SYNPR: variants seen among roughly 807,000 people sequenced by gnomAD.
SYNPR encodes synaptoporin.
In SYNPR, 23 loss-of-function variants were observed where a neutral mutation model predicts 32.9. That is an observed-to-expected ratio of 0.70 (90% CI 0.50 to 0.99). SYNPR has a LOEUF of 0.99. Ranked by LOEUF, SYNPR falls within the 50% of genes least tolerant of loss-of-function variation. The pLI, the probability that SYNPR is intolerant of heterozygous loss-of-function variation, is 0.00. For missense variants in SYNPR, 318 were observed against 349.3 expected (o/e 0.91, Z 0.71); for synonymous variants, 146 against 135.9 (o/e 1.07, Z -0.52).
At chr3:63,247,438 G>A (rs140601067) in intron 1 of SYNPR, among the ~76,000 whole-genome samples, 7 of 151,966 alleles carry the variant, frequency 4.6e-5, no homozygotes, top group African/African-American at 1.2e-4. Context: ...CTTACTTCTG[G>A]TAAGGATAAG....
intron 2 of SYNPR, among the ~76,000 whole-genome samples, chr3:63,457,871 T>A (rs1700512907): frequency 6.6e-6 from 1 of 152,156 alleles, no homozygotes; most frequent in African/African-American, 2.4e-5. Flanking sequence ...TCTTGGGTGA[T>A]GCTTTGGATA....
intron 2 of SYNPR, among the ~76,000 whole-genome samples, chr3:63,343,360 A>T (rs6806142): frequency 0.85 from 128,741 of 152,186 alleles, 55,054 homozygotes; most frequent in African/African-American, 0.93. Context: ...GAGCCGAGGA[A>T]CATATTATGA....
At chr3:63,375,952 C>T (rs1008699138) in intron 2 of SYNPR, among the ~76,000 whole-genome samples, 10 of 152,104 alleles carry the variant, frequency 6.6e-5, no homozygotes, top group Non-Finnish European at 1.3e-4. Flanking sequence ...CCTGCTTCTC[C>T]TCCAGTATTC....
chr3:63,516,222 G>C (rs1202043820), intron 3 of SYNPR, among the ~76,000 whole-genome samples: 1 of 152,040 alleles, frequency 6.6e-6, no homozygotes, highest in Non-Finnish European at 1.5e-5. Flanking sequence ...GTTTTGGTTA[G>C]AAAATGACAT....
intron 2 of SYNPR, among the ~76,000 whole-genome samples, chr3:63,285,367 C>T (rs935755119): frequency 1.3e-4 from 16 of 120,606 alleles, no homozygotes; most frequent in Non-Finnish European, 2.2e-4. Context: ...TTATCTTTTC[C>T]TCTTTTGTTA....
chr3:63,455,000 T>G (rs1575653194), intron 2 of SYNPR, among the ~76,000 whole-genome samples: 1 of 152,110 alleles, frequency 6.6e-6, no homozygotes, highest in East Asian at 1.9e-4. Flanking sequence ...TACTTAAGTT[T>G]TAGAATGGAA....
Position 63,298,326 on chromosome 3 carries a change from G to A in SYNPR, c.84+19584G>A, listed in dbSNP as rs1233053998. ...CATCTCTCCTTCAAATGAAATTTTC[G>A]AGATTGCCAAGTGATCTAGTTATAT... On this transcript the variant is annotated intron_variant, in intron 2 of 5. Transcript: ENST00000478300. Among the ~76,000 whole-genome samples, 7 of 152,070 alleles carry A rather than the reference G, an allele frequency of 4.6e-5. No homozygotes were observed. The East Asian group carries it at 7.7e-4, about 17-fold the overall frequency.
chr3:63,328,097 T>A lies in SYNPR; in HGVS notation c.84+49355T>A, dbSNP rs1056341356. 2.0e-5 allele frequency among the ~76,000 whole-genome samples: 3 copies of A among 152,146 alleles called. No individual in the cohort carries two copies. In the East Asian group the frequency reaches 5.8e-4, roughly 29 times the overall value. ...CATTTTAGTGTCCCCATGATTAGGT[T>A]TTAACATGACTTTTAAGAAATTCTA... On this transcript the variant is annotated intron_variant, in intron 2 of 5. Coordinates refer to ENST00000478300, the MANE Select transcript of SYNPR (RefSeq NM_001130003.2).
intron 4 of SYNPR, among the ~76,000 whole-genome samples, chr3:63,603,439 C>A (rs897990796): frequency 6.6e-6 from 1 of 152,094 alleles, no homozygotes. Context: ...AAGGGGAATA[C>A]TTCTAGCTTT....
intron 2 of SYNPR, among the ~76,000 whole-genome samples, chr3:63,312,124 A>G (rs2106954242): frequency 6.6e-6 from 1 of 152,198 alleles, no homozygotes; most frequent in African/African-American, 2.4e-5. Context: ...ATGAGTCATA[A>G]TAAATAATTC....
At chr3:63,398,522 C>T (rs1368049071) in intron 2 of SYNPR, among the ~76,000 whole-genome samples, 4 of 151,424 alleles carry the variant, frequency 2.6e-5, no homozygotes, top group African/African-American at 4.9e-5. Flanking sequence ...AGATCGAGAC[C>T]ATGGTGAAAC....
chr3:63,604,260 A>G (rs1284247149), intron 4 of SYNPR, among the ~76,000 whole-genome samples: 2 of 152,124 alleles, frequency 1.3e-5, no homozygotes, highest in Admixed American at 6.6e-5. Flanking sequence ...TCTAGCTACC[A>G]GTCTATCTGT....
At chr3:63,394,752 C>T (rs533554150) in intron 2 of SYNPR, among the ~76,000 whole-genome samples, 1 of 152,244 alleles carries the variant, frequency 6.6e-6, no homozygotes, top group South Asian at 2.1e-4. Context: ...AATCATTTCT[C>T]CAGAATTTTA....
intron 3 of SYNPR, among the ~76,000 whole-genome samples, chr3:63,520,361 C>T (rs548643327): frequency 6.6e-6 from 1 of 152,262 alleles, no homozygotes; most frequent in African/African-American, 2.4e-5. Flanking sequence ...CAGCCTGTTT[C>T]TCCACCAGCA....
At chr3:63,407,695 T>C (rs2107110766) in intron 2 of SYNPR, among the ~76,000 whole-genome samples, 1 of 152,276 alleles carries the variant, frequency 6.6e-6, no homozygotes, top group South Asian at 2.1e-4. Context: ...ATTATTCCCT[T>C]GAGAGGTGGA....
intron 2 of SYNPR, chr3:63,452,029 G>C (rs1700388103): frequency 1.4e-6 from 1 of 699,564 alleles, no homozygotes; most frequent in Non-Finnish European, 2.6e-6. Context: ...CCAGTTCCCT[G>C]ATATAATTTT....
At position 63,409,009 on chromosome 3, in the gene SYNPR, C is replaced by G. The variant is rs761210574; in HGVS notation, c.85-71823C>G. ...AGATCTTAAGTTCTTCTACCCTCTT[C>G]CTCCCTTTTCTACCCCTCCAAACCA... On this transcript the variant is annotated intron_variant, in intron 2 of 5. Coordinates refer to ENST00000478300, the MANE Select transcript of SYNPR (RefSeq NM_001130003.2). 1.5e-3 allele frequency among the ~76,000 whole-genome samples: 234 copies of G among 152,198 alleles called. 5 individuals carry two copies. The highest frequency in any genetic ancestry group is 1.9e-3 in the Non-Finnish European group (129 of 67,998).
intron 2 of SYNPR, chr3:63,351,284 AACAGGACATTTG>A (rs2087505372): frequency 6.6e-6 from 1 of 152,246 alleles, no homozygotes; most frequent in African/African-American, 2.4e-5. Context: ...TTTCAGGGGT[AACAGGACATTTG>A]ACATTCCCTG....
intron 2 of SYNPR, among the ~76,000 whole-genome samples, chr3:63,395,207 C>T (rs2088196041): frequency 6.6e-6 from 1 of 152,120 alleles, no homozygotes; most frequent in Non-Finnish European, 1.5e-5. Flanking sequence ...TTCTTCTCTG[C>T]CTAAACCAAA....
Sources: gnomAD v4.1 joint callset for allele counts (sites outside exome capture counted in the v4.1 genomes callset) on GRCh38, gnomAD v4.1.1 for gene constraint, MANE v1.5 for transcripts, NCBI Gene and HGNC (gene_info 2026-07-23, HGNC 2026-07-21) for gene names.